PDE3B: variants seen among roughly 807,000 people sequenced by gnomAD.
The protein encoded by PDE3B is phosphodiesterase 3B, also known as cGMP-inhibited 3',5'-cyclic phosphodiesterase 3B.
A neutral mutation model predicts 116.8 loss-of-function variants in PDE3B; 66 were observed. The ratio of observed to expected loss-of-function variants is 0.56; its 90% CI spans 0.46 to 0.69. The LOEUF is 0.69. PDE3B is among the 30% of genes least tolerant of loss of function. The pLI, the probability that PDE3B is intolerant of heterozygous loss-of-function variation, is 0.00. For missense variants in PDE3B, 1,384 were observed against 1,368.1 expected, an observed-to-expected ratio of 1.01 and a Z score of -0.18; for synonymous variants, 595 against 533.6, an observed-to-expected ratio of 1.12 and a Z score of -1.59.
At chr11:14,664,687 G>A (rs1026489164) in intron 1 of PDE3B, among the ~76,000 whole-genome samples, 9 of 152,266 alleles carry the variant, frequency 5.9e-5, no homozygotes, top group Non-Finnish European at 1.2e-4. Flanking sequence ...TAAATTCCTC[G>A]ACACATACAC....
At chr11:14,662,553 A>C (rs1464740182) in intron 1 of PDE3B, among the ~76,000 whole-genome samples, 1 of 152,024 alleles carries the variant, frequency 6.6e-6, no homozygotes, top group Non-Finnish European at 1.5e-5. Context: ...GAAGTTGAAA[A>C]CTTTGAAAAA....
Position 14,869,473 on chromosome 11 carries a change from G to C in PDE3B, c.3152G>C (p.Arg1051Thr), listed in dbSNP as rs1172377398. Residue 1051 changes from arginine to threonine, a missense_variant, in exon 16 of 16, where the codon AGG (arginine) becomes ACG (threonine). By Grantham distance (71) the Arg-to-Thr change is moderately conservative (BLOSUM62 -1). Around this residue, in one of 2 missense-constraint regions of PDE3B, gnomAD observed 428 missense variants for 561.4 expected, o/e 0.76. Transcript: ENST00000282096. ...TTAAATTTCACAGAACCACCAAGAA[G>C]GAAAAGCAGACGGCGAATATTTTGT... ...ENNLNPKPPR[R>T]KSRRRIFCQL... The C allele has an allele frequency of 6.2e-7, 1 of 1,611,854 alleles. No individual in the cohort carries two copies. Among genetic ancestry groups the C allele is most frequent in the East Asian group, 2.2e-5 (1 of 44,804 alleles).
chr11:14,807,694 A>C (rs1216807005), intron 5 of PDE3B, among the ~76,000 whole-genome samples: 2 of 152,176 alleles, frequency 1.3e-5, no homozygotes, highest in Non-Finnish European at 2.9e-5. Flanking sequence ...TAGAGTTGTC[A>C]GTATATTATC....
chr11:14,706,690 A>G (rs1037982851), intron 1 of PDE3B, among the ~76,000 whole-genome samples: 1 of 151,988 alleles, frequency 6.6e-6, no homozygotes, highest in Non-Finnish European at 1.5e-5. Flanking sequence ...AAAGATGTGC[A>G]TTATAAATTT....
chr11:14,762,773 A>ATAATG (rs1857396222), intron 1 of PDE3B, among the ~76,000 whole-genome samples: 1 of 152,200 alleles, frequency 6.6e-6, no homozygotes, highest in Admixed American at 6.6e-5. Context: ...TATATTCTGT[A>ATAATG]CATATTATGA....
At chr11:14,786,915 T>C (rs1327382922) in intron 3 of PDE3B, among the ~76,000 whole-genome samples, 2 of 152,010 alleles carry the variant, frequency 1.3e-5, no homozygotes, top group Non-Finnish European at 2.9e-5. Context: ...CTATGTATTA[T>C]TATTCTTGTT....
At chr11:14,688,766 T>G (rs560326514) in intron 1 of PDE3B, among the ~76,000 whole-genome samples, 188 of 152,162 alleles carry the variant, frequency 1.2e-3, no homozygotes, top group African/African-American at 4.0e-3. Context: ...ATTTGGTTTT[T>G]TTGTTGTTGT....
At chr11:14,667,155 A>T (rs1854184915) in intron 1 of PDE3B, among the ~76,000 whole-genome samples, 1 of 151,942 alleles carries the variant, frequency 6.6e-6, no homozygotes, top group South Asian at 2.1e-4. Context: ...GAAATTGGAA[A>T]TCATCATTCC....
chr11:14,854,810 C>G (rs1487834556), intron 12 of PDE3B, among the ~76,000 whole-genome samples: 1 of 152,082 alleles, frequency 6.6e-6, no homozygotes, highest in Non-Finnish European at 1.5e-5. Context: ...CCACCGCACC[C>G]AGTTTAAAAT....
chr11:14,690,209 A>G (rs1376249588), intron 1 of PDE3B, among the ~76,000 whole-genome samples: 3 of 152,208 alleles, frequency 2.0e-5, no homozygotes, highest in Non-Finnish European at 4.4e-5. Flanking sequence ...ACACGGGGCC[A>G]GAAGCTAGTC....
Position 14,859,207 on chromosome 11 carries a change from T to C in PDE3B, c.2685T>C (p.Leu895=). Residue 895 remains leucine (L), a synonymous_variant, in exon 13 of 16, where the codon CTT becomes CTC. Coordinates refer to ENST00000282096, the MANE Select transcript of PDE3B (RefSeq NM_000922.4). ...LVIEAILATD[L]KKHFDFLAEF... ...TTGAAGCAATCCTTGCTACGGATCT[T>C]AAAAAGCATTTTGATTTTCTCGCAG... The C allele has an allele frequency of 6.2e-7, 1 of 1,612,316 alleles. No homozygotes were observed. The highest frequency in any genetic ancestry group is 1.1e-5 in the South Asian group (1 of 90,404).
intron 2 of PDE3B, among the ~76,000 whole-genome samples, chr11:14,777,058 A>C (rs374880770): frequency 1.3e-5 from 2 of 152,196 alleles, no homozygotes; most frequent in African/African-American, 4.8e-5. Flanking sequence ...AAGAAATATA[A>C]ATTATAAAGA....
intron 11 of PDE3B, among the ~76,000 whole-genome samples, chr11:14,837,768 A>G (rs534185180): frequency 6.6e-6 from 1 of 152,314 alleles, no homozygotes; most frequent in Admixed American, 6.5e-5. Flanking sequence ...AAGGAAACCA[A>G]GTAGCTTTGG....
intron 7 of PDE3B, among the ~76,000 whole-genome samples, chr11:14,824,678 C>G (rs1041219208): frequency 3.3e-5 from 5 of 152,100 alleles, no homozygotes; most frequent in Non-Finnish European, 5.9e-5. Flanking sequence ...ACATCCCTGA[C>G]AGGAGAAAGC....
chr11:14,806,026 G>T (rs900149984), intron 5 of PDE3B, among the ~76,000 whole-genome samples: 6 of 152,162 alleles, frequency 3.9e-5, no homozygotes, highest in African/African-American at 1.4e-4. Context: ...AAATAGGAAG[G>T]CTTTTACACA....
intron 2 of PDE3B, chr11:14,775,112 T>G (rs1857748278): frequency 2.0e-5 from 3 of 152,202 alleles, no homozygotes; most frequent in African/African-American, 7.2e-5. Context: ...TTAACTTACT[T>G]TATTTTCTCT....
chr11:14,869,388 T>A, intron 15 of PDE3B, 73 bp from the exon 16 acceptor site: 1 of 1,234,644 alleles, frequency 8.1e-7, no homozygotes, highest in South Asian at 1.3e-5. Context: ...ATACCTAGAA[T>A]AGGCACTTAA....
At chr11:14,889,943 C>T in the PDE3B span, among the ~76,000 whole-genome samples, 1 of 151,834 alleles carries the variant, frequency 6.6e-6, no homozygotes, top group Non-Finnish European at 1.5e-5. Flanking sequence ...CCTGCCTAAC[C>T]GAGTGAATGC....
chr11:14,885,868 T>C, the PDE3B span: 49 of 1,613,522 alleles, frequency 3.0e-5, no homozygotes, highest in Admixed American at 1.3e-4. Context: ...TACTACATCA[T>C]AGCCATTTAG....
Sources: allele counts gnomAD v4.1 joint callset (sites outside exome capture counted in the v4.1 genomes callset), GRCh38; gene constraint gnomAD v4.1.1; regional missense constraint gnomAD v4.1.1; transcripts MANE v1.5; gene names NCBI Gene and HGNC (gene_info 2026-07-23, HGNC 2026-07-21).